The following UBE2M variants were observed in gnomAD, a reference collection of about 807,000 sequenced individuals.
The protein encoded by UBE2M is NEDD8-conjugating enzyme Ubc12.
UBE2M carries 2 observed loss-of-function variants against 23.5 expected under a neutral mutation model. That is an observed-to-expected ratio of 0.09 (90% CI 0.03 to 0.27). UBE2M has a LOEUF of 0.27. Ranked by LOEUF, UBE2M falls within the 10% of genes least tolerant of loss-of-function variation. UBE2M has a pLI of 1.00. For synonymous variants in UBE2M, 97 were observed against 95.2 expected, an observed-to-expected ratio of 1.02 and a Z score of -0.11; for missense variants, 103 against 232.9, an observed-to-expected ratio of 0.44 and a Z score of 3.63.
In UBE2M at chr19:58,557,846, C is replaced by CT. The variant is rs1398864301; in HGVS notation, c.109+426_109+427insA. Among the ~76,000 whole-genome samples, 18 of 152,080 alleles carry CT rather than the reference C, an allele frequency of 1.2e-4. 1 individual carries two copies. The South Asian group carries it at 3.5e-3, about 30-fold the overall frequency. On this transcript the variant is annotated intron_variant, in intron 1 of 5. Coordinates refer to ENST00000253023, the MANE Select transcript of UBE2M (RefSeq NM_003969.4). Reference sequence around the variant, plus strand: ...TCCAACCTACTTCACCCGTTTGACTCAGAGATTCCCAGAGACCCCAGCATA... The same window carrying CT: ...TCCAACCTACTTCACCCGTTTGACTCTAGAGATTCCCAGAGACCCCAGCATA...
chr19:58,557,738 G>T (rs2053901896), intron 1 of UBE2M, among the ~76,000 whole-genome samples: 1 of 149,910 alleles, frequency 6.7e-6, no homozygotes, highest in South Asian at 2.1e-4. Context: ...CCAATCCCTG[G>T]TACTCATTAA....
At position 58,556,692 on chromosome 19, in the gene UBE2M, G is replaced by A. The variant is rs201360581; in HGVS notation, c.342C>T (p.Ile114=). The change falls in exon 4 of 6, where the codon ATC becomes ATT. Residue 114 remains isoleucine, a synonymous_variant. Coordinates refer to ENST00000253023, the MANE Select transcript of UBE2M (RefSeq NM_003969.4). The surrounding 1 kb of genome is among the most constrained non-coding windows in gnomAD (Gnocchi z 4.9). ...TAGAGGGCCAGTGTCCTCACCTGAG[G>A]ATGTTGAGGCAGACGTTGCCCTCGA... ...IDLEGNVCLN[I]LREDWKPVLT... The A allele has an allele frequency of 6.6e-5, 101 of 1,528,164 alleles. No individual in the cohort carries two copies. In the East Asian group the frequency reaches 2.2e-3, roughly 33 times the overall value. 94.7% of individuals were successfully genotyped at this position (1,528,164 alleles called of 1,614,324 possible).
chr19:58,557,212 G>C (rs2053897578), intron 1 of UBE2M, 55 bp from the exon 2 acceptor site: 10 of 1,508,278 alleles, frequency 6.6e-6, no homozygotes, highest in Middle Eastern at 2.1e-4. Context: ...AAGAGAGAGA[G>C]AGAGGGAGCC....
rs1034243895 is a variant in UBE2M, at chr19:58,556,427, C to T, written c.348-48G>A. 6 of 1,590,588 alleles carry T rather than the reference C, an allele frequency of 3.8e-6. No individual in the cohort carries two copies. The highest frequency in any genetic ancestry group is 2.1e-4 in the Middle Eastern group (1 of 4,830). On this transcript the variant is annotated intron_variant, in intron 4 of 5. Coordinates refer to ENST00000253023, the MANE Select transcript of UBE2M (RefSeq NM_003969.4). This position sits in a 1 kb window ranked among gnomAD's most constrained non-coding sequence, Gnocchi z 4.9. ...TCAGGGCTTGGTGAGTGGGAGACTG[C>T]CACAGGCCCCTCTGGTGTTGGGCAG... is the stretch of plus-strand genomic sequence containing the variant.
rs1240673448 is a variant in UBE2M at position 58,556,826 on chromosome 19, G to A, written c.244-36C>T. ...GAAAAGAAAAGAGAGATGGGTAGGT[G>A]CCTGGAAGGGCCTCAGCTGCTGCCT... On this transcript the variant is annotated intron_variant, in intron 3 of 5. Coordinates refer to ENST00000253023, the MANE Select transcript of UBE2M (RefSeq NM_003969.4). The surrounding 1 kb of genome is among the most constrained non-coding windows in gnomAD (Gnocchi z 4.9). The A allele has an allele frequency of 1.2e-6, 2 of 1,612,496 alleles. No homozygotes were observed. Among genetic ancestry groups the A allele is most frequent in the Non-Finnish European group, 8.5e-7 (1 of 1,179,198 alleles).
chr19:58,557,163 T>G lies in UBE2M; in HGVS notation c.110-6A>C. On this transcript the variant is annotated splice_region_variant and splice_polypyrimidine_tract_variant and intron_variant, in intron 1 of 5. Transcript: ENST00000253023. ...CAGGTTCAGCTCGTTTATGTCTGGG[T>G]TTGGGTAGCAGAGAGTCGGGAACAG... 1 of 1,613,556 alleles carries G rather than the reference T, an allele frequency of 6.2e-7. No homozygotes were observed. Among genetic ancestry groups the G allele is most frequent in the Non-Finnish European group, 8.5e-7 (1 of 1,179,874 alleles).
chr19:58,558,164 T>G lies in UBE2M; in HGVS notation c.109+109A>C. 13 of 790,424 alleles carry G rather than the reference T, an allele frequency of 1.6e-5. No individual in the cohort carries two copies. The highest frequency in any genetic ancestry group is 1.3e-4 in the East Asian group (2 of 15,954). The allele number at this position is 790,424 out of a possible 1,614,324, so 49.0% of individuals were successfully genotyped here. On this transcript the variant is annotated intron_variant, in intron 1 of 5. Transcript: ENST00000253023. This position sits in a 1 kb window ranked among gnomAD's most constrained non-coding sequence, Gnocchi z 4.7. ...CGACCCCCCCCACGCTCGGGGCCCT[T>G]CACCTCTGACCCTCAGCAACCGCAT...
chr19:58,557,611 C>T (rs895878046), intron 1 of UBE2M, among the ~76,000 whole-genome samples: 1 of 151,696 alleles, frequency 6.6e-6, no homozygotes, highest in African/African-American at 2.4e-5. Context: ...GTCTCTCAGA[C>T]CCAGCTTTCC....
In UBE2M at chr19:58,558,405, C is replaced by G; in HGVS notation, c.-24G>C. ...ATCCTGCCGCCGCCGCCGCCGCTGC[C>G]GCCGCCGCGGGGCCCGGGACCCCGG... On this transcript the variant is annotated 5_prime_UTR_variant, in exon 1 of 6. Transcript: ENST00000253023. This position sits in a 1 kb window ranked among gnomAD's most constrained non-coding sequence, Gnocchi z 4.7. 2.3e-6 allele frequency: 3 copies of G among 1,278,154 alleles called. No homozygotes were observed. Among genetic ancestry groups the G allele is most frequent in the Non-Finnish European group, 3.0e-6 (3 of 991,260 alleles). The allele number at this position is 1,278,154 out of a possible 1,614,324, so 79.2% of individuals were successfully genotyped here. A position where few individuals can be genotyped will look rare whatever the true frequency, so the allele number is the denominator to read the frequency against.
In UBE2M at chr19:58,556,388, A is replaced by G; in HGVS notation, c.348-9T>C. The G allele has an allele frequency of 6.2e-7, 1 of 1,613,568 alleles. No individual in the cohort carries two copies. The highest frequency in any genetic ancestry group is 1.8e-4 in the Middle Eastern group (1 of 5,712). On this transcript the variant is annotated splice_polypyrimidine_tract_variant and intron_variant, in intron 4 of 5. Transcript: ENST00000253023. The surrounding 1 kb of genome is among the most constrained non-coding windows in gnomAD (Gnocchi z 4.9). ...CTGGCTTCCAGTCCTCTCTGTGGAC[A>G]GAGAGCATCAGGGTCAGGGCTTGGT...
chr19:58,556,308 C>T lies in UBE2M; in HGVS notation c.411+8G>A, dbSNP rs756087909. On this transcript the variant is annotated splice_region_variant and intron_variant, in intron 5 of 5. Coordinates refer to ENST00000253023, the MANE Select transcript of UBE2M (RefSeq NM_003969.4). This position sits in a 1 kb window ranked among gnomAD's most constrained non-coding sequence, Gnocchi z 4.9. ...TCTCCCCAGACCCAACCACCTATTC[C>T]TACTCACCAAGAAGAGATACTGCAG... 5.6e-6 allele frequency: 9 copies of T among 1,614,006 alleles called. No homozygotes were observed. The highest frequency in any genetic ancestry group is 6.8e-6 in the Non-Finnish European group (8 of 1,180,024).
chr19:58,557,247 T>C, intron 1 of UBE2M, 90 bp from the exon 2 acceptor site: 1 of 1,340,708 alleles, frequency 7.5e-7, no homozygotes, highest in Middle Eastern at 2.6e-4. Flanking sequence ...GGCGGGTGTT[T>C]GTTAGCAGAG....
Position 58,555,845 on chromosome 19 carries a change from G to A in UBE2M, c.*244C>T. On this transcript the variant is annotated 3_prime_UTR_variant, in exon 6 of 6. Transcript: ENST00000253023. ...GTGGGGGCTGAACAAGCACCCAGCAGGGGGGCTAGACAAGCCAATTCATTT... is the reference window on the plus strand; with the variant it reads ...GTGGGGGCTGAACAAGCACCCAGCAAGGGGGCTAGACAAGCCAATTCATTT... 1 of 562,476 alleles carries A rather than the reference G, an allele frequency of 1.8e-6. No individual in the cohort carries two copies. The highest frequency in any genetic ancestry group is 3.1e-5 in the East Asian group (1 of 32,536). 34.8% of individuals were successfully genotyped at this position (562,476 alleles called of 1,614,324 possible). A position where few individuals can be genotyped will look rare whatever the true frequency, so the allele number is the denominator to read the frequency against.
Position 58,556,917 on chromosome 19 carries a change from C to T in UBE2M, c.218G>A (p.Ser73Asn). 1 of 1,614,090 alleles carries T rather than the reference C, an allele frequency of 6.2e-7. No individual in the cohort carries two copies. Among genetic ancestry groups the T allele is most frequent in the Non-Finnish European group, 8.5e-7 (1 of 1,179,996 alleles). Residue 73 changes from serine (S) to asparagine (N), a missense_variant, in exon 3 of 6, where the codon AGT becomes AAT. By Grantham distance (46) the Ser-to-Asn change is conservative (BLOSUM62 1). This residue lies in a region of UBE2M where 57 missense variants were observed against 103.3 expected (regional missense o/e 0.55). Coordinates refer to ENST00000253023, the MANE Select transcript of UBE2M (RefSeq NM_003969.4). The surrounding 1 kb of genome is among the most constrained non-coding windows in gnomAD (Gnocchi z 4.9). ...CTTAAAACTGAACACAAACTTCCCA[C>T]TCTTGTAGAAGCCCTGGGAGGAAAA... ...VICPDEGFYK[S>N]GKFVFSFKVG...
In UBE2M at chr19:58,556,263, C is replaced by T. The variant is rs1214880700; in HGVS notation, c.412-34G>A. On this transcript the variant is annotated intron_variant, in intron 5 of 5. Coordinates refer to ENST00000253023, the MANE Select transcript of UBE2M (RefSeq NM_003969.4). This position sits in a 1 kb window ranked among gnomAD's most constrained non-coding sequence, Gnocchi z 4.9. ...AGTACAGGTAGGGGGGGTCAACAGG[C>T]CAGAGGGACAGAAGGCCAATCTCCC... 2 of 1,613,824 alleles carry T rather than the reference C, an allele frequency of 1.2e-6. No individual in the cohort carries two copies. Among genetic ancestry groups the T allele is most frequent in the African/African-American group, 1.3e-5 (1 of 74,894 alleles).
In UBE2M at chr19:58,558,164, T is replaced by C; in HGVS notation, c.109+109A>G. 1.3e-6 allele frequency: 1 copy of C among 790,434 alleles called. No individual in the cohort carries two copies. 49.0% of individuals were successfully genotyped at this position (790,434 alleles called of 1,614,324 possible). ...CGACCCCCCCCACGCTCGGGGCCCT[T>C]CACCTCTGACCCTCAGCAACCGCAT... On this transcript the variant is annotated intron_variant, in intron 1 of 5. Coordinates refer to ENST00000253023, the MANE Select transcript of UBE2M (RefSeq NM_003969.4). This position sits in a 1 kb window ranked among gnomAD's most constrained non-coding sequence, Gnocchi z 4.7.
In UBE2M at chr19:58,556,073, T is replaced by C; in HGVS notation, c.*16A>G. 6.6e-7 allele frequency: 1 copy of C among 1,525,402 alleles called. No homozygotes were observed. The highest frequency in any genetic ancestry group is 1.4e-5 in the African/African-American group (1 of 72,670). 94.5% of individuals were successfully genotyped at this position (1,525,402 alleles called of 1,614,324 possible). A position where few individuals can be genotyped will look rare whatever the true frequency, so the allele number is the denominator to read the frequency against. On this transcript the variant is annotated 3_prime_UTR_variant, in exon 6 of 6. Transcript: ENST00000253023. The surrounding 1 kb of genome is among the most constrained non-coding windows in gnomAD (Gnocchi z 4.9). ...CCAGGGCTTGTGGCCGTGGCGGGGGTGGGTATGCGCCAACCCTATTTCAGG... is the reference window on the plus strand; with the variant it reads ...CCAGGGCTTGTGGCCGTGGCGGGGGCGGGTATGCGCCAACCCTATTTCAGG...
chr19:58,556,410 T>C lies in UBE2M; in HGVS notation c.348-31A>G, dbSNP rs1479664223. 1 of 1,610,976 alleles carries C rather than the reference T, an allele frequency of 6.2e-7. No individual in the cohort carries two copies. The highest frequency in any genetic ancestry group is 1.7e-5 in the Admixed American group (1 of 59,982). ...GACAGAGAGCATCAGGGTCAGGGCT[T>C]GGTGAGTGGGAGACTGCCACAGGCC... On this transcript the variant is annotated intron_variant, in intron 4 of 5. Coordinates refer to ENST00000253023, the MANE Select transcript of UBE2M (RefSeq NM_003969.4). The surrounding 1 kb of genome is among the most constrained non-coding windows in gnomAD (Gnocchi z 4.9).
Position 58,556,418 on chromosome 19 carries a change from G to A in UBE2M, c.348-39C>T, listed in dbSNP as rs771587665. 1 of 1,604,510 alleles carries A rather than the reference G, an allele frequency of 6.2e-7. No homozygotes were observed. The highest frequency in any genetic ancestry group is 2.2e-5 in the East Asian group (1 of 44,818). On this transcript the variant is annotated intron_variant, in intron 4 of 5. Transcript: ENST00000253023. The surrounding 1 kb of genome is among the most constrained non-coding windows in gnomAD (Gnocchi z 4.9). ...GCATCAGGGTCAGGGCTTGGTGAGT[G>A]GGAGACTGCCACAGGCCCCTCTGGT...
Sources: allele counts gnomAD v4.1 joint callset (sites outside exome capture counted in the v4.1 genomes callset), GRCh38; gene constraint gnomAD v4.1.1; regional missense constraint gnomAD v4.1.1; non-coding constraint Gnocchi (gnomAD v3.1); transcripts MANE v1.5; gene names NCBI Gene and HGNC (gene_info 2026-07-23, HGNC 2026-07-21).